The following ARID1A variants were observed in gnomAD, a reference collection of about 807,000 sequenced individuals.
ARID1A encodes the protein AT-rich interactive domain-containing protein 1A.
Under a neutral mutation model 212.6 loss-of-function variants are expected in ARID1A, and 20 were observed. That is an observed-to-expected ratio of 0.09 (90% CI 0.07 to 0.14). The LOEUF (loss-of-function observed/expected upper bound fraction) is 0.14, where lower values mean the gene tolerates loss of function less well. Among genes scored for constraint, ARID1A ranks in the 10% least tolerant of loss-of-function variants. The pLI is 1.00. For synonymous variants in ARID1A, 1,376 were observed against 1,222.1 expected (o/e 1.13, Z -2.63); for missense variants, 2,587 against 3,059.0 (o/e 0.85, Z 3.64).
At position 26,774,664 on chromosome 1, in the gene ARID1A, A is replaced by C; in HGVS notation, c.4437A>C (p.Gln1479His). The C allele has an allele frequency of 6.2e-7, 1 of 1,614,178 alleles. No individual in the cohort carries two copies. Among genetic ancestry groups the C allele is most frequent in the Non-Finnish European group, 8.5e-7 (1 of 1,180,022 alleles). The change falls in exon 18 of 20, where the codon CAA becomes CAC. Residue 1479 changes from glutamine to histidine, a missense_variant. Physicochemically the swap from Gln to His is conservative, Grantham distance 24. Transcript: ENST00000324856. This position sits in a 1 kb window ranked among gnomAD's most constrained non-coding sequence, Gnocchi z 5.6. ...ATGCCCAGCAAAACATGCCACCACA[A>C]ATGATGGGCGGCCCCATACAGGCAT... ...GTNAQQNMPP[Q>H]MMGGPIQASA...
chr1:26,696,248 G>T lies in ARID1A; in HGVS notation c.-156G>T. 2 of 956,374 alleles carry T rather than the reference G, an allele frequency of 2.1e-6. No homozygotes were observed. The highest frequency in any genetic ancestry group is 2.7e-6 in the Non-Finnish European group (2 of 753,464). The allele number at this position is 956,374 out of a possible 1,614,324, so 59.2% of individuals were successfully genotyped here. ...GGAGCCTGAGCCGGCGGGGCGGGGG[G>T]GAGAGGAGCGAGCGCAGCGCAGCAG... On this transcript the variant is annotated 5_prime_UTR_variant, in exon 1 of 20. Transcript: ENST00000324856.
In ARID1A at chr1:26,697,203, C is replaced by G. The variant is rs772242616; in HGVS notation, c.800C>G (p.Ala267Gly). ...ASASSSSSSF[A>G]QQRFGAMGGG... is the part of the protein sequence containing the mutation. The stretch of plus-strand genomic sequence containing the variant: ...GCCTCCTCGTCGTCTTCGTCCTTCG[C>G]TCAGCAGCGCTTCGGGGCCATGGGG... Residue 267 changes from alanine to glycine, a missense_variant, in exon 1 of 20, where the codon GCT becomes GGT. Transcript: ENST00000324856. 5 of 1,408,362 alleles carry G rather than the reference C, an allele frequency of 3.6e-6. No individual in the cohort carries two copies. Among genetic ancestry groups the G allele is most frequent in the African/African-American group, 3.0e-5 (2 of 66,090 alleles). The allele number at this position is 1,408,362 out of a possible 1,614,324, so 87.2% of individuals were successfully genotyped here.
chr1:26,707,229 G>A (rs12760537), intron 1 of ARID1A, among the ~76,000 whole-genome samples: 4 of 94,572 alleles, frequency 4.2e-5, no homozygotes, highest in Non-Finnish European at 8.9e-5. Flanking sequence ...TTTTTTTTGA[G>A]ATGGAGTCTT....
At chr1:26,722,506 A>T (rs1022021820) in intron 1 of ARID1A, among the ~76,000 whole-genome samples, 1 of 152,164 alleles carries the variant, frequency 6.6e-6, no homozygotes, top group African/African-American at 2.4e-5. Context: ...TGGCCACCCA[A>T]CGTGTTGGGA....
intron 4 of ARID1A, among the ~76,000 whole-genome samples, chr1:26,736,083 G>C (rs2080726503): frequency 6.6e-6 from 1 of 151,992 alleles, no homozygotes; most frequent in Admixed American, 6.6e-5. Flanking sequence ...CCAGCACTTT[G>C]GGAGGCCAAG....
intron 4 of ARID1A, among the ~76,000 whole-genome samples, chr1:26,752,020 C>T (rs965945945): frequency 2.0e-5 from 3 of 152,136 alleles, no homozygotes; most frequent in Non-Finnish European, 2.9e-5. Flanking sequence ...GGAAACTTGA[C>T]GGGGGCAAGT....
chr1:26,743,517 A>G (rs372530596), intron 4 of ARID1A, among the ~76,000 whole-genome samples: 1 of 151,938 alleles, frequency 6.6e-6, no homozygotes, highest in African/African-American at 2.4e-5. Context: ...AGGAGTGACA[A>G]ATCCTCTCAA....
Position 26,772,250 on chromosome 1 carries a change from A to G in ARID1A, c.3407-250A>G, listed in dbSNP as rs371436312. On this transcript the variant is annotated intron_variant, in intron 12 of 19. Coordinates refer to ENST00000324856, the MANE Select transcript of ARID1A (RefSeq NM_006015.6). ...GAAGCTGGCAATGACTCAGGGAATC[A>G]CCAGCATGGTGATGTCATGGCCACA... 4.0e-5 allele frequency: 21 copies of G among 521,626 alleles called. No individual in the cohort carries two copies. In the East Asian group the frequency reaches 6.1e-4, roughly 15 times the overall value. 32.3% of individuals were successfully genotyped at this position (521,626 alleles called of 1,614,324 possible).
Position 26,774,622 on chromosome 1 carries a change from T to A in ARID1A, c.4395T>A (p.Ser1465=). The part of the protein sequence containing the change: ...FPFQFGRDRV[S]APPGTNAQQN... ...TCCAGTTTGGCCGAGACCGTGTCTC[T>A]GCACCCCCTGGCACCAATGCCCAGC... The change falls in exon 18 of 20, where the codon TCT becomes TCA. Residue 1465 remains serine, a synonymous_variant. Transcript: ENST00000324856. The surrounding 1 kb of genome is among the most constrained non-coding windows in gnomAD (Gnocchi z 5.6). The A allele has an allele frequency of 6.2e-7, 1 of 1,614,216 alleles. No homozygotes were observed. Among genetic ancestry groups the A allele is most frequent in the Non-Finnish European group, 8.5e-7 (1 of 1,180,028 alleles).
At chr1:26,723,222 A>G (rs922633486) in intron 1 of ARID1A, among the ~76,000 whole-genome samples, 7 of 152,146 alleles carry the variant, frequency 4.6e-5, no homozygotes, top group African/African-American at 1.7e-4. Flanking sequence ...AGTCTGTCCT[A>G]AGATATTACT....
At chr1:26,751,442 C>T (rs1171773595) in intron 4 of ARID1A, among the ~76,000 whole-genome samples, 1 of 152,096 alleles carries the variant, frequency 6.6e-6, no homozygotes, top group Non-Finnish European at 1.5e-5. Context: ...GCATGGAACC[C>T]AGCCTTTGAT....
intron 1 of ARID1A, among the ~76,000 whole-genome samples, chr1:26,706,420 G>A (rs867476963): frequency 2.0e-5 from 3 of 152,144 alleles, no homozygotes; most frequent in African/African-American, 7.2e-5. Flanking sequence ...GGGGGTTGTT[G>A]TGATATCAGT....
rs554087399 is a variant in ARID1A at position 26,759,622 on chromosome 1, G to A, written c.1921-1234G>A. ...AGTAATGTTGCTAGAGAATGAACAT[G>A]GGGCAGGGGATGGAGTTAGGGTACA... On this transcript the variant is annotated intron_variant, in intron 4 of 19. Transcript: ENST00000324856. 5.3e-5 allele frequency among the ~76,000 whole-genome samples: 8 copies of A among 152,266 alleles called. No individual in the cohort carries two copies. The South Asian group carries it at 1.7e-3, about 32-fold the overall frequency.
chr1:26,767,996 T>C lies in ARID1A; in HGVS notation c.3195T>C (p.Thr1065=), dbSNP rs2124087922. ...YVSVKEIGGL[T]QVNKNKKWRE... ...CTGTGAAGGAGATTGGTGGATTGAC[T>C]CAGGTGAGTGGGCGCCTGACACTTG... Residue 1065 remains threonine, a synonymous_variant, in exon 11 of 20, where the codon ACT becomes ACC. Coordinates refer to ENST00000324856, the MANE Select transcript of ARID1A (RefSeq NM_006015.6). 4 of 1,613,592 alleles carry C rather than the reference T, an allele frequency of 2.5e-6. No homozygotes were observed. Among genetic ancestry groups the C allele is most frequent in the East Asian group, 2.2e-5 (1 of 44,864 alleles).
At chr1:26,765,224 C>G (rs567656765) in intron 8 of ARID1A, 5 of 151,676 alleles carry the variant, frequency 3.3e-5, no homozygotes, top group African/African-American at 1.2e-4. Flanking sequence ...TGGTGGCTCA[C>G]CCCTGTAATC....
intron 1 of ARID1A, among the ~76,000 whole-genome samples, chr1:26,724,167 CA>C (rs2080594444): frequency 6.6e-6 from 1 of 152,048 alleles, no homozygotes; most frequent in Admixed American, 6.6e-5. Flanking sequence ...CTTAAATGTC[CA>C]AAAGCCAAGG....
rs201700725 is a variant in ARID1A at position 26,775,174 on chromosome 1, A to G, written c.4947A>G (p.Thr1649=). The G allele has an allele frequency of 6.3e-5, 101 of 1,609,312 alleles. No homozygotes were observed. Among genetic ancestry groups the G allele is most frequent in the Non-Finnish European group, 7.8e-5 (92 of 1,178,360 alleles). Residue 1649 remains threonine, a synonymous_variant, in exon 18 of 20, where the codon ACA becomes ACG. Coordinates refer to ENST00000324856, the MANE Select transcript of ARID1A (RefSeq NM_006015.6). ...TCCCACCTGGCTCTGTTGAAGCCAC[A>G]CAGCCTGTGTTGAAGCAGAGGAGGC... ...ITFPPGSVEA[T]QPVLKQRRRL...
rs892173376 is a variant in ARID1A, at chr1:26,731,420, C to G, written c.1619C>G (p.Thr540Arg). 2 of 1,613,926 alleles carry G rather than the reference C, an allele frequency of 1.2e-6. No individual in the cohort carries two copies. The highest frequency in any genetic ancestry group is 1.7e-6 in the Non-Finnish European group (2 of 1,179,998). Residue 540 changes from threonine (T) to arginine (R), a missense_variant, in exon 3 of 20, where the codon ACG (threonine) becomes AGG (arginine). Coordinates refer to ENST00000324856, the MANE Select transcript of ARID1A (RefSeq NM_006015.6). ...GCTCCATACCCCTCCCAGCAGTCGA[C>G]GACACAGCAGCACCCCCAGAGCCAG... is the stretch of plus-strand genomic sequence containing the variant. ...SPAPYPSQQS[T>R]TQQHPQSQPP...
intron 1 of ARID1A, among the ~76,000 whole-genome samples, chr1:26,714,779 T>C (rs1349912664): frequency 6.6e-6 from 1 of 152,208 alleles, no homozygotes; most frequent in Non-Finnish European, 1.5e-5. Context: ...GTGCCTGCTA[T>C]AGTTCAGAGT....
Sources: gnomAD v4.1 joint callset for allele counts (sites outside exome capture counted in the v4.1 genomes callset) on GRCh38, gnomAD v4.1.1 for gene constraint, Gnocchi (gnomAD v3.1) non-coding constraint, MANE v1.5 for transcripts, NCBI Gene and HGNC (gene_info 2026-07-23, HGNC 2026-07-21) for gene names.